SHOC2: variants seen among roughly 807,000 people sequenced by gnomAD.
SHOC2 encodes the protein SHOC2 leucine rich repeat scaffold protein.
A neutral mutation model predicts 50.2 loss-of-function variants in SHOC2; 4 were observed. The observed-to-expected ratio is 0.08, with a 90% CI of 0.04 to 0.18. SHOC2 has a LOEUF of 0.18. Ranked by LOEUF, SHOC2 falls within the 10% of genes least tolerant of loss-of-function variation. SHOC2 has a pLI of 1.00. For missense variants in SHOC2, 388 were observed against 669.6 expected (o/e 0.58, Z 4.64); for synonymous variants, 218 against 244.5 (o/e 0.89, Z 1.01).
chr10:111,012,924 A>G lies in SHOC2; in HGVS notation c.*1106A>G, dbSNP rs118172559. 2.0e-5 allele frequency: 3 copies of G among 152,650 alleles called. No homozygotes were observed. Among genetic ancestry groups the G allele is most frequent in the African/African-American group, 7.2e-5 (3 of 41,472 alleles). 9.5% of individuals were successfully genotyped at this position (152,650 alleles called of 1,614,324 possible). A position where few individuals can be genotyped will look rare whatever the true frequency, so the allele number is the denominator to read the frequency against. ...TCTGGAATATCTGTGTCTAAGCACA[A>G]TATCTTCACACTGTGCTGTATTGCT... On this transcript the variant is annotated 3_prime_UTR_variant, in exon 9 of 9. Coordinates refer to ENST00000369452, the MANE Select transcript of SHOC2 (RefSeq NM_007373.4).
At chr10:110,962,186 T>C (rs949539219) in intron 1 of SHOC2, among the ~76,000 whole-genome samples, 1 of 152,168 alleles carries the variant, frequency 6.6e-6, no homozygotes, top group African/African-American at 2.4e-5. Flanking sequence ...TTACACCTTA[T>C]ATATTTCATT....
intron 3 of SHOC2, among the ~76,000 whole-genome samples, chr10:110,999,840 A>T (rs949318341): frequency 2.0e-5 from 3 of 152,034 alleles, no homozygotes; most frequent in African/African-American, 7.2e-5. Flanking sequence ...ATGCTTAGAT[A>T]AAAGAGACTA....
chr10:110,996,119 T>C (rs1386148474), intron 3 of SHOC2, among the ~76,000 whole-genome samples: 2 of 152,212 alleles, frequency 1.3e-5, no homozygotes, highest in Admixed American at 6.5e-5. Flanking sequence ...TATGCAATTA[T>C]ACAGCAGTTA....
chr10:110,958,399 A>T (rs1207307945), intron 1 of SHOC2, among the ~76,000 whole-genome samples: 1 of 152,024 alleles, frequency 6.6e-6, no homozygotes, highest in Non-Finnish European at 1.5e-5. Flanking sequence ...TTTTTAATAG[A>T]GACGGGGTTT....
At chr10:110,991,210 C>G (rs116633910) in intron 3 of SHOC2, among the ~76,000 whole-genome samples, 1,598 of 152,192 alleles carry the variant, frequency 0.01, 26 homozygotes, top group African/African-American at 0.036. Flanking sequence ...ATGAATAATC[C>G]TGGTAAACAG....
At chr10:110,982,377 G>A (rs1318919296) in intron 2 of SHOC2, among the ~76,000 whole-genome samples, 4 of 151,634 alleles carry the variant, frequency 2.6e-5, no homozygotes, top group South Asian at 4.2e-4. Flanking sequence ...ACCCAGTAAC[G>A]GGATGGCTGG....
chr10:110,992,526 AC>A (rs2134158675), intron 3 of SHOC2, among the ~76,000 whole-genome samples: 1 of 152,328 alleles, frequency 6.6e-6, no homozygotes, highest in Admixed American at 6.5e-5. Flanking sequence ...AGGAAAAAAT[AC>A]TTTACTTTGT....
intron 3 of SHOC2, among the ~76,000 whole-genome samples, chr10:110,992,209 C>T (rs925028052): frequency 1.3e-5 from 2 of 152,024 alleles, no homozygotes; most frequent in Non-Finnish European, 2.9e-5. Flanking sequence ...GTATCGCTGA[C>T]AACTCATAGG....
chr10:110,950,603 C>T (rs1847332317), intron 1 of SHOC2, among the ~76,000 whole-genome samples: 1 of 152,136 alleles, frequency 6.6e-6, no homozygotes, highest in South Asian at 2.1e-4. Context: ...TACCCGATGC[C>T]TCCATAATTG....
intron 2 of SHOC2, among the ~76,000 whole-genome samples, chr10:110,983,429 T>C (rs1162064049): frequency 6.6e-6 from 1 of 152,170 alleles, no homozygotes; most frequent in African/African-American, 2.4e-5. Context: ...AGATCCTGCC[T>C]CTTTTGTAAG....
intron 2 of SHOC2, among the ~76,000 whole-genome samples, chr10:110,967,973 G>A (rs1847708775): frequency 6.6e-6 from 1 of 152,082 alleles, no homozygotes; most frequent in African/African-American, 2.4e-5. Flanking sequence ...CACTTCTCTT[G>A]AGTATATACC....
At chr10:110,936,430 CCCT>C (rs764718764) in intron 1 of SHOC2, among the ~76,000 whole-genome samples, 1 of 151,816 alleles carries the variant, frequency 6.6e-6, no homozygotes, top group Non-Finnish European at 1.5e-5. Context: ...AACATTGATT[CCCT>C]CCTCCTTCAC....
intron 3 of SHOC2, among the ~76,000 whole-genome samples, chr10:110,998,414 A>G (rs1346041003): frequency 6.6e-6 from 1 of 152,080 alleles, no homozygotes; most frequent in Non-Finnish European, 1.5e-5. Flanking sequence ...GACACGTCTC[A>G]CCAGAGTGTC....
rs539552844 is a variant in SHOC2, at chr10:110,940,910, G to GTTTTTTTTTTTT, written c.-235+21280_-235+21291dup. ...GACAAAATAGTGGTATTTGTGGTGG[G>GTTTTTTTTTTTT]TTTTTTTTTTTTTTTTTTTTTTTTT... is the stretch of plus-strand genomic sequence containing the variant. On this transcript the variant is annotated intron_variant, in intron 1 of 8. Transcript: ENST00000369452. Among the ~76,000 whole-genome samples the GTTTTTTTTTTTT allele has an allele frequency of 4.8e-4, 57 of 119,472 alleles. 1 individual carries two copies. The highest frequency in any genetic ancestry group is 8.2e-4 in the Non-Finnish European group (48 of 58,650). 78.4% of individuals were successfully genotyped at this position (119,472 alleles called of 152,430 possible).
intron 4 of SHOC2, among the ~76,000 whole-genome samples, chr10:111,003,459 G>T (rs1184852322): frequency 6.6e-6 from 1 of 152,008 alleles, no homozygotes; most frequent in African/African-American, 2.4e-5. Context: ...ATAGAGAAAG[G>T]ACTTAAAATT....
At chr10:110,947,255 C>T (rs1847263064) in intron 1 of SHOC2, among the ~76,000 whole-genome samples, 1 of 152,232 alleles carries the variant, frequency 6.6e-6, no homozygotes, top group Admixed American at 6.5e-5. Context: ...GGCACCAGGC[C>T]AGATCCCACA....
intron 1 of SHOC2, among the ~76,000 whole-genome samples, chr10:110,920,405 C>A (rs1314973080): frequency 2.0e-5 from 3 of 152,168 alleles, no homozygotes; most frequent in African/African-American, 7.2e-5. Flanking sequence ...GGCTTTGGGG[C>A]AAGACGATTT....
At chr10:111,010,215 C>T (rs959722771) in intron 8 of SHOC2, among the ~76,000 whole-genome samples, 6 of 151,940 alleles carry the variant, frequency 3.9e-5, no homozygotes, top group African/African-American at 1.5e-4. Flanking sequence ...TAATATTTAA[C>T]CAATATTAAC....
intron 1 of SHOC2, among the ~76,000 whole-genome samples, chr10:110,952,558 T>A (rs1034379457): frequency 1.3e-5 from 2 of 152,058 alleles, no homozygotes; most frequent in South Asian, 2.1e-4. Flanking sequence ...TTTTTTTTTT[T>A]AAGTTTACTT....
Sources: gnomAD v4.1 joint callset for allele counts (sites outside exome capture counted in the v4.1 genomes callset) on GRCh38, gnomAD v4.1.1 for gene constraint, MANE v1.5 for transcripts, NCBI Gene and HGNC (gene_info 2026-07-23, HGNC 2026-07-21) for gene names.